TMC3: variants seen among roughly 807,000 people sequenced by gnomAD.
TMC3 encodes the protein transmembrane channel like 3.
TMC3 carries 98 observed loss-of-function variants against 110.6 expected under a neutral mutation model. The ratio of observed to expected loss-of-function variants is 0.89; its 90% CI spans 0.75 to 1.05. TMC3 has a LOEUF of 1.05. Ranked by LOEUF, TMC3 falls within the 50% of genes least tolerant of loss-of-function variation. The pLI is 0.00. For synonymous variants in TMC3, 489 were observed against 513.1 expected (o/e 0.95, Z 0.63); for missense variants, 1,319 against 1,373.2 (o/e 0.96, Z 0.62).
At chr15:81,343,255 C>T in intron 15 of TMC3, 23 bp downstream of exon 15, 5 of 1,536,096 alleles carry the variant, frequency 3.3e-6, no homozygotes, top group Non-Finnish European at 3.6e-6. Context: ...TAAGCAAAGG[C>T]AAGAAGAAAC....
chr15:81,339,573 A>G, intron 16 of TMC3, 69 bp from the exon 17 acceptor site: 1 of 1,190,804 alleles, frequency 8.4e-7, no homozygotes, highest in Non-Finnish European at 1.2e-6. Context: ...CATATGCCCA[A>G]AGAGCTGCCA....
chr15:81,341,339 A>T (rs916918681), intron 16 of TMC3, 51 bp downstream of exon 16: 12 of 1,546,684 alleles, frequency 7.8e-6, no homozygotes, highest in Non-Finnish European at 1.1e-5. Context: ...GGCATGGATT[A>T]TATATATGTA....
At chr15:81,363,089 T>G (rs1260326995) in intron 3 of TMC3, among the ~76,000 whole-genome samples, 1 of 152,146 alleles carries the variant, frequency 6.6e-6, no homozygotes, top group Non-Finnish European at 1.5e-5. Context: ...ACCCAGTCTC[T>G]ACTAAAAATA....
rs758250277 is a variant in TMC3 at position 81,336,590 on chromosome 15, AAG to A, written c.2203+17_2203+18del. The stretch of plus-strand genomic sequence containing the variant: ...CTCAAAACAAAAAAACAACAACAAA[AAG>A]AAACGGAAATACTTACCTTCTACCA... On this transcript the variant is annotated intron_variant, in intron 20 of 21. Coordinates refer to ENST00000359440, the MANE Select transcript of TMC3 (RefSeq NM_001080532.3). 38 of 1,612,952 alleles carry A rather than the reference AAG, an allele frequency of 2.4e-5. No homozygotes were observed. In the South Asian group the frequency reaches 3.6e-4, roughly 15 times the overall value.
At chr15:81,342,299 A>G (rs1893731784) in intron 15 of TMC3, among the ~76,000 whole-genome samples, 2 of 152,230 alleles carry the variant, frequency 1.3e-5, no homozygotes, top group African/African-American at 4.8e-5. Context: ...ACATAAGAGT[A>G]TGTTTCCTAA....
Position 81,344,985 on chromosome 15 carries a change from A to T in TMC3, c.1299T>A (p.Ser433Arg). Reference sequence around the variant, plus strand: ...AGAAGGTGGTGGAATCTATCCAATGACTTGTGTTATTTTTGGTAGCCATTT... The same window carrying T: ...AGAAGGTGGTGGAATCTATCCAATGTCTTGTGTTATTTTTGGTAGCCATTT... The part of the protein sequence containing the change: ...IEEMATKNNT[S>R]HWIDSTTFFA... Residue 433 changes from serine (S) to arginine (R), a missense_variant, in exon 13 of 22, where the codon AGT (serine) becomes AGA (arginine). Ser to Arg is a moderately radical substitution (Grantham distance 110). Transcript: ENST00000359440. 1.3e-6 allele frequency: 2 copies of T among 1,590,474 alleles called. No individual in the cohort carries two copies. The highest frequency in any genetic ancestry group is 1.7e-6 in the Non-Finnish European group (2 of 1,168,092).
intron 2 of TMC3, among the ~76,000 whole-genome samples, chr15:81,370,855 A>G (rs1894418629): frequency 6.6e-6 from 1 of 151,848 alleles, no homozygotes; most frequent in South Asian, 2.1e-4. Context: ...TTGTATTTTT[A>G]ATAGAGACAG....
intron 2 of TMC3, among the ~76,000 whole-genome samples, chr15:81,370,058 G>A (rs1894400215): frequency 6.6e-6 from 1 of 152,190 alleles, no homozygotes; most frequent in Admixed American, 6.5e-5. Flanking sequence ...ACAGAGGGGT[G>A]ATTGGGTGTG....
chr15:81,372,349 GACACACACACACACAC>G (rs371289786), intron 2 of TMC3, among the ~76,000 whole-genome samples: 3,555 of 116,844 alleles, frequency 0.03, 125 homozygotes, highest in African/African-American at 0.083. Context: ...CTGTCTCTCT[GACACACACACACACAC>G]ACACACACAC....
intron 18 of TMC3, 120 bp from the exon 19 acceptor site, chr15:81,338,044 C>A: frequency 1.3e-6 from 1 of 752,312 alleles, no homozygotes; most frequent in East Asian, 2.6e-5. Context: ...GCGGGCTATC[C>A]ACTGACCCTC....
At chr15:81,367,837 C>G (rs891249606) in intron 3 of TMC3, among the ~76,000 whole-genome samples, 3 of 152,326 alleles carry the variant, frequency 2.0e-5, no homozygotes, top group Middle Eastern at 3.4e-3. Flanking sequence ...GACTGGCACT[C>G]GCAACCTGTG....
At position 81,332,847 on chromosome 15, in the gene TMC3, G is replaced by A. The variant is rs887717686; in HGVS notation, c.2875C>T (p.Pro959Ser). Reference sequence around the variant, plus strand: ...CGGAGGTCTATCAGGGAGCGTGGGGGAAGAGACCGTTTGATCCAATCTCTG... The same window carrying A: ...CGGAGGTCTATCAGGGAGCGTGGGGAAAGAGACCGTTTGATCCAATCTCTG... ...PSRDWIKRSL[P>S]PRSLIDLRRA... Residue 959 changes from proline to serine, a missense_variant, in exon 22 of 22, where the codon CCC becomes TCC. By Grantham distance (74) the Pro-to-Ser change is moderately conservative. Transcript: ENST00000359440. 3 of 1,613,316 alleles carry A rather than the reference G, an allele frequency of 1.9e-6. No homozygotes were observed. Among genetic ancestry groups the A allele is most frequent in the East Asian group, 2.2e-5 (1 of 44,864 alleles).
chr15:81,349,519 C>G lies in TMC3; in HGVS notation c.1132G>C (p.Asp378His). 1 of 1,563,256 alleles carries G rather than the reference C, an allele frequency of 6.4e-7. No homozygotes were observed. Among genetic ancestry groups the G allele is most frequent in the Non-Finnish European group, 8.7e-7 (1 of 1,153,350 alleles). The change falls in exon 11 of 22, where the codon GAC (aspartate) becomes CAC (histidine). Residue 378 changes from aspartate to histidine, a missense_variant. Coordinates refer to ENST00000359440, the MANE Select transcript of TMC3 (RefSeq NM_001080532.3). ...LVTMIAPSAFDLIAALEMYHP... is the reference protein window; with the variant it reads ...LVTMIAPSAFHLIAALEMYHP... ...TACATCTCTAAGGCAGCAATGAGGT[C>G]AAAGGCTGATGGTGCTATCATGGTG...
At chr15:81,354,805 C>T (rs1894024061) in intron 9 of TMC3, among the ~76,000 whole-genome samples, 1 of 152,078 alleles carries the variant, frequency 6.6e-6, no homozygotes, top group Non-Finnish European at 1.5e-5. Flanking sequence ...AGGAAACATT[C>T]CCAAATGAGA....
Position 81,340,812 on chromosome 15 carries a change from A to G in TMC3, c.1844+578T>C, listed in dbSNP as rs150675555. On this transcript the variant is annotated intron_variant, in intron 16 of 21. Transcript: ENST00000359440. Reference sequence around the variant, plus strand: ...CAAGGCAGCATTACTCATTATGGCTAACAGCTGGAAGCAACCTACATGCCC... The same window carrying G: ...CAAGGCAGCATTACTCATTATGGCTGACAGCTGGAAGCAACCTACATGCCC... Among the ~76,000 whole-genome samples the G allele has an allele frequency of 2.8e-3, 430 of 152,372 alleles. 1 individual carries two copies. Among genetic ancestry groups the G allele is most frequent in the Non-Finnish European group, 4.9e-3 (330 of 68,040 alleles).
Position 81,332,936 on chromosome 15 carries a change from G to A in TMC3, c.2786C>T (p.Ala929Val). Residue 929 changes from alanine (A) to valine (V), a missense_variant, in exon 22 of 22, where the codon GCA (alanine) becomes GTA (valine). Ala to Val is a moderately conservative substitution (Grantham distance 64). Transcript: ENST00000359440. ...ELYPRNVRQY[A>V]SRVPRQPPSP... ...GGGAGGCTGGCGGGGGACCCGGGAT[G>A]CATATTGTCGCACGTTCCTGGGGTA... is the stretch of plus-strand genomic sequence containing the variant. 6.2e-7 allele frequency: 1 copy of A among 1,612,394 alleles called. No individual in the cohort carries two copies. The highest frequency in any genetic ancestry group is 1.1e-5 in the South Asian group (1 of 90,972).
chr15:81,359,229 G>C, intron 5 of TMC3, 136 bp downstream of exon 5: 3 of 664,716 alleles, frequency 4.5e-6, no homozygotes, highest in Non-Finnish European at 7.7e-6. Flanking sequence ...GTCCTTTACA[G>C]AAAAAGTTTG....
chr15:81,373,511 G>A lies in TMC3; in HGVS notation c.89+478C>T, dbSNP rs535723843. Among the ~76,000 whole-genome samples the A allele has an allele frequency of 5.9e-5, 9 of 152,270 alleles. No individual in the cohort carries two copies. The East Asian group carries it at 1.7e-3, about 29-fold the overall frequency. Reference sequence around the variant, plus strand: ...TCATGTTGTTTTTACTCATTTAGAGGAGAATTTTTTTCAATTTCACCAAAT... The same window carrying A: ...TCATGTTGTTTTTACTCATTTAGAGAAGAATTTTTTTCAATTTCACCAAAT... On this transcript the variant is annotated intron_variant, in intron 1 of 21. Transcript: ENST00000359440.
Position 81,341,460 on chromosome 15 carries a change from G to A in TMC3, c.1774C>T (p.Leu592Phe). ...PAFNVLKLIGLMYLRSWAVLT... is the reference protein window; with the variant it reads ...PAFNVLKLIGFMYLRSWAVLT... ...ACAGCCCAGCTTCTCAGGTACATGA[G>A]CCCAATGAGTTTGAGAACGTTGAAC... The change falls in exon 16 of 22, where the codon CTC becomes TTC. Residue 592 changes from leucine to phenylalanine, a missense_variant. Leu to Phe is a conservative substitution (Grantham distance 22). Transcript: ENST00000359440. 1 of 1,611,688 alleles carries A rather than the reference G, an allele frequency of 6.2e-7. No individual in the cohort carries two copies. The highest frequency in any genetic ancestry group is 8.5e-7 in the Non-Finnish European group (1 of 1,178,780).
Sources: gnomAD v4.1 joint callset for allele counts (sites outside exome capture counted in the v4.1 genomes callset) on GRCh38, gnomAD v4.1.1 for gene constraint, MANE v1.5 for transcripts, NCBI Gene and HGNC (gene_info 2026-07-23, HGNC 2026-07-21) for gene names.